The following MAOA variants were observed in gnomAD, a reference collection of about 807,000 sequenced individuals.
The protein encoded by MAOA is amine oxidase [flavin-containing] A.
Under a neutral mutation model 42.0 loss-of-function variants are expected in MAOA, and 6 were observed. The ratio of observed to expected loss-of-function variants is 0.14; its 90% CI spans 0.08 to 0.28. MAOA has a LOEUF of 0.28. MAOA is among the 10% of genes least tolerant of loss of function. The pLI is 1.00. For synonymous variants in MAOA, 140 were observed against 154.0 expected (o/e 0.91, Z 0.67); for missense variants, 262 against 422.3 (o/e 0.62, Z 3.33).
chrX:43,672,875 A>G (rs2033350665), intron 1 of MAOA, among the ~76,000 whole-genome samples: 2 of 111,841 alleles, frequency 1.8e-5, no homozygotes. Context: ...ATCAATGTTC[A>G]TCAAGGATAT....
chrX:43,674,089 T>G (rs2033365856), intron 1 of MAOA, among the ~76,000 whole-genome samples: 1 of 110,947 alleles, frequency 9.0e-6, no homozygotes, highest in African/African-American at 3.3e-5. Context: ...CTAAGTCTCT[T>G]TGTAGGTCAC....
At chrX:43,710,292 T>C (rs9780693) in intron 3 of MAOA, among the ~76,000 whole-genome samples, 1,143 of 112,604 alleles carry the variant, frequency 0.01, 17 homozygotes, top group African/African-American at 0.035. Context: ...ATTGCAGCGT[T>C]ACAACATAAC....
At chrX:43,701,915 T>A (rs1364517111) in intron 3 of MAOA, among the ~76,000 whole-genome samples, 1 of 112,075 alleles carries the variant, frequency 8.9e-6, no homozygotes, top group Non-Finnish European at 1.9e-5. Context: ...TGCTTTCTAC[T>A]TCCTTCCTAT....
In MAOA at chrX:43,744,957, T is replaced by G; in HGVS notation, c.*444T>G. 4.9e-6 allele frequency: 1 copy of G among 205,115 alleles called. No homozygotes were observed. The highest frequency in any genetic ancestry group is 9.0e-6 in the Non-Finnish European group (1 of 111,470). 16.9% of individuals were successfully genotyped at this position (205,115 alleles called of 1,213,427 possible). Reference sequence around the variant, plus strand: ...TTTCTTCCCTTAGGCAATGGTGAACTGTCATTACAGAGCCTAGAGGCTCAC... The same window carrying G: ...TTTCTTCCCTTAGGCAATGGTGAACGGTCATTACAGAGCCTAGAGGCTCAC... On this transcript the variant is annotated 3_prime_UTR_variant, in exon 15 of 15. Coordinates refer to ENST00000338702, the MANE Select transcript of MAOA (RefSeq NM_000240.4).
rs1266547252 is a variant in MAOA, at chrX:43,693,263, C to T, written c.169-28C>T. 3.3e-6 allele frequency: 4 copies of T among 1,203,425 alleles called. No homozygotes were observed. The East Asian group carries it at 8.9e-5, about 27-fold the overall frequency. On this transcript the variant is annotated intron_variant, in intron 2 of 14. Transcript: ENST00000338702. Reference sequence around the variant, plus strand: ...CTTTTTTCCAAGTTTTAACTAAAGTCCTCTGACCAATTTTTCTCTTTTTGC... The same window carrying T: ...CTTTTTTCCAAGTTTTAACTAAAGTTCTCTGACCAATTTTTCTCTTTTTGC...
chrX:43,693,780 TAC>T lies in MAOA; in HGVS notation c.306+375_306+376del, dbSNP rs112883967. On this transcript the variant is annotated intron_variant, in intron 3 of 14. Transcript: ENST00000338702. Reference sequence around the variant, plus strand: ...GTGGCAGGTGCCTGCAACAGACATGTACACACACACACACACACACACACGCA... The same window carrying T: ...GTGGCAGGTGCCTGCAACAGACATGTACACACACACACACACACACACGCA... Among the ~76,000 whole-genome samples, 664 of 101,851 alleles carry T rather than the reference TAC, an allele frequency of 6.5e-3. 5 individuals are homozygous for T. Among genetic ancestry groups the T allele is most frequent in the African/African-American group, 0.017 (463 of 27,672 alleles). 88.4% of individuals were successfully genotyped at this position (101,851 alleles called of 115,157 possible).
At chrX:43,712,659 G>A (rs763309821) in intron 4 of MAOA, 46 bp from the exon 5 acceptor site, 6 of 866,217 alleles carry the variant, frequency 6.9e-6, no homozygotes, top group Middle Eastern at 2.7e-4. Context: ...CCGAGAAGAG[G>A]TGGCAGTTAC....
At chrX:43,743,015 G>A (rs1488686726) in intron 12 of MAOA, among the ~76,000 whole-genome samples, 1 of 110,983 alleles carries the variant, frequency 9.0e-6, no homozygotes, top group Non-Finnish European at 1.9e-5. Context: ...CTAAGATGAG[G>A]AATAGATGAA....
chrX:43,688,641 C>G (rs1015639632), intron 2 of MAOA, among the ~76,000 whole-genome samples: 4 of 112,153 alleles, frequency 3.6e-5, no homozygotes, highest in African/African-American at 1.3e-4. Flanking sequence ...CAAAGATCTT[C>G]TAATTTCTGC....
chrX:43,704,362 A>T (rs763648131), intron 3 of MAOA, among the ~76,000 whole-genome samples: 2 of 111,984 alleles, frequency 1.8e-5, no homozygotes, highest in Non-Finnish European at 3.8e-5. Context: ...ATGCACCACC[A>T]TATTAATAGG....
chrX:43,707,103 A>C (rs905382819), intron 3 of MAOA, among the ~76,000 whole-genome samples: 3 of 111,495 alleles, frequency 2.7e-5, no homozygotes, highest in African/African-American at 9.8e-5. Context: ...CCAATATAAT[A>C]ACAAATTTGA....
chrX:43,658,341 A>G, intron 1 of MAOA, among the ~76,000 whole-genome samples: 1 of 111,180 alleles, frequency 9.0e-6, no homozygotes, highest in East Asian at 2.8e-4. Flanking sequence ...CTCCCTTTCT[A>G]TACTTTATGC....
At chrX:43,734,035 C>G (rs973493583) in intron 9 of MAOA, among the ~76,000 whole-genome samples, 22 of 109,980 alleles carry the variant, frequency 2.0e-4, no homozygotes, top group Non-Finnish European at 1.5e-4. Flanking sequence ...AGGAGAATGT[C>G]GGTTAAGACA....
At chrX:43,670,566 T>C (rs1305655489) in intron 1 of MAOA, among the ~76,000 whole-genome samples, 1 of 101,846 alleles carries the variant, frequency 9.8e-6, no homozygotes. Context: ...CATTTAGCAT[T>C]AGGTATATCT....
At chrX:43,732,342 C>T (rs185244201) in intron 8 of MAOA, among the ~76,000 whole-genome samples, 1 of 111,667 alleles carries the variant, frequency 9.0e-6, no homozygotes, top group East Asian at 2.8e-4. Flanking sequence ...TCTGGTTATA[C>T]TCATCGGATT....
At chrX:43,728,064 A>T in intron 5 of MAOA, 109 bp from the exon 6 acceptor site, 1 of 779,302 alleles carries the variant, frequency 1.3e-6, no homozygotes, top group Admixed American at 2.2e-5. Flanking sequence ...GTTTTTTTCA[A>T]TTGCAACAGA....
chrX:43,676,212 A>C (rs1183044431), intron 1 of MAOA, among the ~76,000 whole-genome samples: 2 of 111,742 alleles, frequency 1.8e-5, no homozygotes, highest in Non-Finnish European at 3.8e-5. Context: ...TGTGCTAGCA[A>C]TCAGCAAGAC....
At chrX:43,691,790 A>T (rs2033535638) in intron 2 of MAOA, among the ~76,000 whole-genome samples, 1 of 111,497 alleles carries the variant, frequency 9.0e-6, no homozygotes, top group South Asian at 3.7e-4. Flanking sequence ...AAGAAAGGAG[A>T]ATCATAGGCC....
At chrX:43,740,345 C>T (rs997367880) in intron 10 of MAOA, among the ~76,000 whole-genome samples, 3 of 111,931 alleles carry the variant, frequency 2.7e-5, no homozygotes, top group East Asian at 2.8e-4. Context: ...AGAATCAGTT[C>T]CTAAGACTGG....
Sources: allele counts gnomAD v4.1 joint callset (sites outside exome capture counted in the v4.1 genomes callset), GRCh38; gene constraint gnomAD v4.1.1; transcripts MANE v1.5; gene names NCBI Gene and HGNC (gene_info 2026-07-23, HGNC 2026-07-21).